The following ABCC4 variants were observed in gnomAD, a reference collection of about 807,000 sequenced individuals.
ABCC4 encodes ATP-binding cassette sub-family C member 4.
Under a neutral mutation model 168.5 loss-of-function variants are expected in ABCC4, and 102 were observed. The ratio of observed to expected loss-of-function variants is 0.61; its 90% confidence interval spans 0.52 to 0.71. ABCC4 has a LOEUF of 0.71. ABCC4 is among the 30% of genes least tolerant of loss of function. The pLI, the probability that ABCC4 is intolerant of heterozygous loss-of-function variation, is 0.00. For missense variants in ABCC4, 1,402 were observed against 1,605.8 expected (o/e 0.87, Z 2.17); for synonymous variants, 617 against 590.7 (o/e 1.04, Z -0.65).
intron 26 of ABCC4, 114 bp downstream of exon 26, chr13:95,062,590 G>T: frequency 4.2e-6 from 4 of 953,078 alleles, no homozygotes; most frequent in Non-Finnish European, 4.7e-6. Flanking sequence ...ATGCTCTATT[G>T]GGTGAAAAAA....
At chr13:95,179,043 G>C (rs2037804055) in intron 11 of ABCC4, among the ~76,000 whole-genome samples, 1 of 152,144 alleles carries the variant, frequency 6.6e-6, no homozygotes. Context: ...AAATCAAAAG[G>C]TTGATTATGG....
intron 20 of ABCC4, among the ~76,000 whole-genome samples, chr13:95,114,772 T>C (rs114624021): frequency 6.4e-4 from 97 of 152,304 alleles, no homozygotes; most frequent in African/African-American, 2.2e-3. Context: ...TTTTCTTACA[T>C]AGCTAATTTT....
intron 19 of ABCC4, among the ~76,000 whole-genome samples, chr13:95,159,570 T>C (rs762151836): frequency 1.3e-5 from 2 of 152,150 alleles, no homozygotes; most frequent in Non-Finnish European, 2.9e-5. Context: ...GTCATGAGCA[T>C]TCCGAGGCCT....
intron 30 of ABCC4, among the ~76,000 whole-genome samples, chr13:95,026,882 C>G (rs1381354767): frequency 1.0e-5 from 1 of 97,646 alleles, no homozygotes; most frequent in Non-Finnish European, 2.0e-5. Context: ...GAGCAAGACC[C>G]TGTCTCAAAA....
At chr13:95,272,237 C>A (rs547961909) in intron 1 of ABCC4, among the ~76,000 whole-genome samples, 1 of 151,958 alleles carries the variant, frequency 6.6e-6, no homozygotes, top group East Asian at 2.0e-4. Flanking sequence ...CTAGAGATAG[C>A]GTTTCACCAC....
intron 30 of ABCC4, among the ~76,000 whole-genome samples, chr13:95,024,453 A>G (rs2031284663): frequency 6.6e-6 from 1 of 152,160 alleles, no homozygotes; most frequent in Non-Finnish European, 1.5e-5. Context: ...CTAAGTTCAT[A>G]TTTAAACTCT....
chr13:95,065,204 T>C (rs2033486075), intron 25 of ABCC4, among the ~76,000 whole-genome samples: 1 of 152,240 alleles, frequency 6.6e-6, no homozygotes. Flanking sequence ...AAAATATTAC[T>C]TGTTCTGTTT....
At chr13:95,199,421 C>T (rs1462914779) in intron 8 of ABCC4, among the ~76,000 whole-genome samples, 1 of 152,204 alleles carries the variant, frequency 6.6e-6, no homozygotes, top group Non-Finnish European at 1.5e-5. Context: ...CAGGCAGACC[C>T]CATCAGTGGG....
intron 1 of ABCC4, among the ~76,000 whole-genome samples, chr13:95,249,509 G>T (rs2138813845): frequency 6.6e-6 from 1 of 152,216 alleles, no homozygotes; most frequent in Non-Finnish European, 1.5e-5. Context: ...GTTATGTTCA[G>T]GATTCCGGAA....
chr13:95,166,110 T>A, intron 15 of ABCC4, 48 bp downstream of exon 15: 11 of 1,505,282 alleles, frequency 7.3e-6, no homozygotes, highest in East Asian at 2.3e-5. Flanking sequence ...CATAAGGCCA[T>A]TAACAGTGAA....
chr13:95,282,524 C>G (rs1427093503), intron 1 of ABCC4, among the ~76,000 whole-genome samples: 1 of 151,766 alleles, frequency 6.6e-6, no homozygotes, highest in East Asian at 1.9e-4. Context: ...GTATGTTTTT[C>G]TTTTATTTTT....
intron 27 of ABCC4, among the ~76,000 whole-genome samples, chr13:95,052,223 C>T (rs2032874171): frequency 6.6e-6 from 1 of 152,190 alleles, no homozygotes; most frequent in Non-Finnish European, 1.5e-5. Context: ...TCCAGTGATT[C>T]ACCCACCTCA....
At chr13:95,163,389 T>C (rs1338540976) in intron 17 of ABCC4, among the ~76,000 whole-genome samples, 173 bp from the exon 18 acceptor site, 1 of 152,168 alleles carries the variant, frequency 6.6e-6, no homozygotes, top group Non-Finnish European at 1.5e-5. Context: ...ATCACAACTT[T>C]CAGTTCCCGA....
At chr13:95,063,713 G>A (rs74105413) in intron 25 of ABCC4, among the ~76,000 whole-genome samples, 3,843 of 152,320 alleles carry the variant, frequency 0.025, 167 homozygotes, top group African/African-American at 0.086. Flanking sequence ...GAAATGAAGT[G>A]CACTGCCAAT....
chr13:95,156,676 G>A (rs139600572), intron 19 of ABCC4, among the ~76,000 whole-genome samples: 9 of 152,226 alleles, frequency 5.9e-5, no homozygotes, highest in East Asian at 1.9e-4. Flanking sequence ...GGAGGTGTCC[G>A]AGGGCAGCTG....
At chr13:95,279,514 A>C (rs1186000362) in intron 1 of ABCC4, among the ~76,000 whole-genome samples, 1 of 152,202 alleles carries the variant, frequency 6.6e-6, no homozygotes, top group Non-Finnish European at 1.5e-5. Flanking sequence ...CTGTTCACGA[A>C]AAAGTCTCAA....
chr13:95,075,801 ATCTAGTTATAAT>A, intron 21 of ABCC4: 1 of 391,044 alleles, frequency 2.6e-6, no homozygotes. Context: ...CCACATTCAA[ATCTAGTTATAAT>A]TCTTTCCTTC....
At chr13:95,283,360 GGTTTTTTTTTTTT>G (rs1249620267) in intron 1 of ABCC4, among the ~76,000 whole-genome samples, 47 of 124,640 alleles carry the variant, frequency 3.8e-4, no homozygotes, top group African/African-American at 1.3e-3. Flanking sequence ...GTTTTTCTGT[GGTTTTTTTTTTTT>G]TTTTTTTTTT....
At chr13:95,183,304 G>A (rs1391355177) in intron 11 of ABCC4, among the ~76,000 whole-genome samples, 1 of 152,026 alleles carries the variant, frequency 6.6e-6, no homozygotes, top group Non-Finnish European at 1.5e-5. Flanking sequence ...ACCCAGAGAC[G>A]CTCAGGACCA....
Sources: allele counts gnomAD v4.1 joint callset (sites outside exome capture counted in the v4.1 genomes callset), GRCh38; gene constraint gnomAD v4.1.1; transcripts MANE v1.5; gene names NCBI Gene and HGNC (gene_info 2026-07-23, HGNC 2026-07-21).